Variants in PECR observed in about 807,000 individuals in gnomAD.
PECR encodes the protein 2,4-dienoyl-CoA reductase-related protein.
Under a neutral mutation model 35.3 loss-of-function variants are expected in PECR, and 30 were observed. The ratio of observed to expected loss-of-function variants is 0.85; its 90% confidence interval spans 0.64 to 1.15. The LOEUF is 1.15. PECR is among the 50% of genes most tolerant of loss of function. The pLI, the probability that PECR is intolerant of heterozygous loss-of-function variation, is 0.00. For missense variants in PECR, 392 were observed against 370.8 expected (o/e 1.06, Z -0.47); for synonymous variants, 148 against 138.9 (o/e 1.07, Z -0.46).
chr2:216,065,297 A>G lies in PECR; in HGVS notation c.424+15T>C, dbSNP rs1279438871. 3 of 1,579,026 alleles carry G rather than the reference A, an allele frequency of 1.9e-6. No homozygotes were observed. Among genetic ancestry groups the G allele is most frequent in the Non-Finnish European group, 2.6e-6 (3 of 1,148,020 alleles). The stretch of plus-strand genomic sequence containing the variant: ...AATAAAGACATGTTGACTTGTGGAT[A>G]CTGATGGTACTTGCCTGCTTTGCAC... On this transcript the variant is annotated intron_variant, in intron 3 of 7. Transcript: ENST00000265322.
chr2:216,047,936 T>TC (rs1695026990), intron 6 of PECR, among the ~76,000 whole-genome samples: 1 of 151,908 alleles, frequency 6.6e-6, no homozygotes, highest in Admixed American at 6.6e-5. Context: ...TTTGTTTTTT[T>TC]CATTTATGAA....
intron 6 of PECR, 45 bp from the exon 7 acceptor site, chr2:216,044,060 C>A: frequency 1.0e-6 from 1 of 988,448 alleles, no homozygotes; most frequent in Non-Finnish European, 1.6e-6. Context: ...GCAAATACTC[C>A]CCATTTCTAA....
intron 7 of PECR, among the ~76,000 whole-genome samples, chr2:216,030,073 A>G (rs1694656895): frequency 6.6e-6 from 1 of 152,214 alleles, no homozygotes; most frequent in African/African-American, 2.4e-5. Context: ...GCTTGCTCTG[A>G]AATGACAGGT....
chr2:216,080,406 T>C (rs1411373853), intron 1 of PECR, among the ~76,000 whole-genome samples: 1 of 152,252 alleles, frequency 6.6e-6, no homozygotes, highest in Non-Finnish European at 1.5e-5. Context: ...GGAAGCATTA[T>C]ATTTCATTGT....
intron 3 of PECR, among the ~76,000 whole-genome samples, chr2:216,062,213 T>C (rs1414443891): frequency 6.6e-6 from 1 of 152,000 alleles, no homozygotes; most frequent in Admixed American, 6.5e-5. Flanking sequence ...TCCCGGCTAA[T>C]GTTTGTATTT....
intron 7 of PECR, chr2:216,033,067 C>G (rs996821171): frequency 1.3e-5 from 2 of 152,124 alleles, no homozygotes; most frequent in African/African-American, 4.8e-5. Flanking sequence ...ACCTTTACAC[C>G]TTTTAGTTGG....
At position 216,060,228 on chromosome 2, in the gene PECR, A is replaced by G. The variant is rs541800811; in HGVS notation, c.425-1252T>C. On this transcript the variant is annotated intron_variant, in intron 3 of 7. Coordinates refer to ENST00000265322, the MANE Select transcript of PECR (RefSeq NM_018441.6). ...ACAAGAAAGGAGAATAACCATTTAA[A>G]TTATTCTACACACACCTTCCGCTTC... Among the ~76,000 whole-genome samples the G allele has an allele frequency of 2.6e-4, 39 of 152,336 alleles. 4 individuals carry two copies. In the South Asian group the frequency reaches 7.9e-3, roughly 31 times the overall value.
At chr2:216,042,804 T>A (rs1323850090) in intron 7 of PECR, among the ~76,000 whole-genome samples, 2 of 151,974 alleles carry the variant, frequency 1.3e-5, no homozygotes, top group Non-Finnish European at 2.9e-5. Flanking sequence ...TCTCCCAAGC[T>A]GGAGTGCAGT....
chr2:216,039,763 T>C (rs183681926), intron 7 of PECR, among the ~76,000 whole-genome samples: 62 of 152,322 alleles, frequency 4.1e-4, no homozygotes, highest in African/African-American at 1.4e-3. Context: ...CTCTCCAGCA[T>C]CCAGGTCCCC....
At chr2:216,044,824 T>C (rs781497025) in intron 6 of PECR, among the ~76,000 whole-genome samples, 3 of 152,208 alleles carry the variant, frequency 2.0e-5, no homozygotes, top group African/African-American at 4.8e-5. Context: ...GTTATTTCAC[T>C]GACTTGTAAA....
At chr2:216,039,803 T>C (rs1404806391) in intron 7 of PECR, among the ~76,000 whole-genome samples, 2 of 152,314 alleles carry the variant, frequency 1.3e-5, no homozygotes, top group East Asian at 3.9e-4. Context: ...TTGTTTCCAT[T>C]TAACGATCTA....
chr2:216,051,968 C>T (rs2105951110), intron 4 of PECR, among the ~76,000 whole-genome samples: 1 of 152,302 alleles, frequency 6.6e-6, no homozygotes, highest in South Asian at 2.1e-4. Flanking sequence ...GGGCGGATCA[C>T]CTGAGGTCAA....
chr2:216,048,130 A>C (rs1041814635), intron 6 of PECR, among the ~76,000 whole-genome samples: 1 of 151,684 alleles, frequency 6.6e-6, no homozygotes, highest in African/African-American at 2.4e-5. Flanking sequence ...GCTGGAGTGC[A>C]GTGGTGCAAT....
At chr2:216,059,362 G>C (rs1199112783) in intron 3 of PECR, among the ~76,000 whole-genome samples, 5 of 152,112 alleles carry the variant, frequency 3.3e-5, no homozygotes, top group Non-Finnish European at 7.4e-5. Context: ...GTGGTCTTTT[G>C]TGTCTAACTT....
In PECR at chr2:216,039,150, TAATTAATAAC is replaced by T. The variant is rs1694846238; in HGVS notation, c.*115_*124del. 1.5e-6 allele frequency: 1 copy of T among 677,878 alleles called. No homozygotes were observed. The highest frequency in any genetic ancestry group is 1.6e-5 in the South Asian group (1 of 63,808). The allele number at this position is 677,878 out of a possible 1,614,324, so 42.0% of individuals were successfully genotyped here. ...TTCAGGAATAGTTTTTCCATAGATA[TAATTAATAAC>T]ACTTAAAAATAAGAAAAATGTTTTC... On this transcript the variant is annotated 3_prime_UTR_variant, in exon 8 of 8. Coordinates refer to ENST00000265322, the MANE Select transcript of PECR (RefSeq NM_018441.6).
chr2:216,076,274 C>A (rs112559975), intron 1 of PECR, among the ~76,000 whole-genome samples: 14,109 of 152,086 alleles, frequency 0.093, 1,225 homozygotes, highest in African/African-American at 0.23. Context: ...CTCACTGCAA[C>A]CTCCGCCTTC....
chr2:216,067,887 A>C (rs1695498104), intron 1 of PECR, among the ~76,000 whole-genome samples: 1 of 152,160 alleles, frequency 6.6e-6, no homozygotes, highest in Non-Finnish European at 1.5e-5. Flanking sequence ...AGGCATGCCA[A>C]GGAACAGGAA....
rs368428821 is a variant in PECR, at chr2:216,051,568, A to G, written c.507-23T>C. 1.2e-4 allele frequency: 158 copies of G among 1,352,304 alleles called. No homozygotes were observed. In the African/African-American group the frequency reaches 2.1e-3, roughly 18 times the overall value. 83.8% of individuals were successfully genotyped at this position (1,352,304 alleles called of 1,614,324 possible). A position where few individuals can be genotyped will look rare whatever the true frequency, so the allele number is the denominator to read the frequency against. ...TGCCTTTGAAAGACAAAACATAAAC[A>G]TGACAATCAGCTTCTGTTGAATATT... is the stretch of plus-strand genomic sequence containing the variant. On this transcript the variant is annotated intron_variant, in intron 4 of 7. Coordinates refer to ENST00000265322, the MANE Select transcript of PECR (RefSeq NM_018441.6).
At chr2:216,063,336 A>G (rs1328640743) in intron 3 of PECR, among the ~76,000 whole-genome samples, 1 of 152,216 alleles carries the variant, frequency 6.6e-6, no homozygotes, top group Non-Finnish European at 1.5e-5. Context: ...ACAGAAAAAT[A>G]TGGCTGGGCA....
Sources: gnomAD v4.1 joint callset for allele counts (sites outside exome capture counted in the v4.1 genomes callset) on GRCh38, gnomAD v4.1.1 for gene constraint, MANE v1.5 for transcripts, NCBI Gene and HGNC (gene_info 2026-07-23, HGNC 2026-07-21) for gene names.